ARMC10: variants seen among roughly 807,000 people sequenced by gnomAD.
ARMC10 encodes the protein armadillo repeat-containing protein 10.
Under a neutral mutation model 30.2 loss-of-function variants are expected in ARMC10, and 23 were observed. The ratio of observed to expected loss-of-function variants is 0.76; its 90% CI spans 0.55 to 1.08. The LOEUF (loss-of-function observed/expected upper bound fraction) is 1.08, where lower values mean the gene tolerates loss of function less well. ARMC10 is among the 50% of genes least tolerant of loss of function. ARMC10 has a pLI of 0.00. For missense variants in ARMC10, 303 were observed against 413.7 expected (o/e 0.73, Z 2.32); for synonymous variants, 111 against 164.4 (o/e 0.68, Z 2.48).
intron 5 of ARMC10, chr7:103,096,027 A>G (rs1187335316): frequency 6.6e-6 from 1 of 152,182 alleles, no homozygotes. Context: ...TGGCACAAGT[A>G]TACATATGTA....
rs1799587854 is a variant in ARMC10, at chr7:103,075,247, C to T, written c.-26C>T. The T allele has an allele frequency of 1.7e-6, 2 of 1,171,678 alleles. No individual in the cohort carries two copies. The highest frequency in any genetic ancestry group is 2.1e-6 in the Non-Finnish European group (2 of 949,470). The allele number at this position is 1,171,678 out of a possible 1,614,324, so 72.6% of individuals were successfully genotyped here. On this transcript the variant is annotated 5_prime_UTR_variant, in exon 1 of 7. Transcript: ENST00000323716. Reference sequence around the variant, plus strand: ...CCGCGAGCCTCCTGCCCTGGCCCGGCGCTGCGGCTCTGCCGCGGCGGCAGC... The same window carrying T: ...CCGCGAGCCTCCTGCCCTGGCCCGGTGCTGCGGCTCTGCCGCGGCGGCAGC...
chr7:103,081,062 T>C (rs1800337457), intron 2 of ARMC10, among the ~76,000 whole-genome samples: 1 of 152,242 alleles, frequency 6.6e-6, no homozygotes. Flanking sequence ...AATAATATAC[T>C]AGTCACTTTA....
In ARMC10 at chr7:103,086,707, A is replaced by G. The variant is rs1165100367; in HGVS notation, c.471A>G (p.Lys157=). 1.3e-6 allele frequency: 2 copies of G among 1,596,796 alleles called. No homozygotes were observed. The highest frequency in any genetic ancestry group is 1.7e-6 in the Non-Finnish European group (2 of 1,175,660). ...ATTCCAACCAGAGTATTAAAGAGAA[A>G]GCTTTAAATGCACTAAATAACCTGA... ...INHSNQSIKE[K]ALNALNNLSV... The change falls in exon 4 of 7, where the codon AAA becomes AAG. Residue 157 remains lysine (K), a synonymous_variant. Coordinates refer to ENST00000323716, the MANE Select transcript of ARMC10 (RefSeq NM_031905.5).
intron 1 of ARMC10, 92 bp downstream of exon 1, chr7:103,075,503 TGAG>T (rs1310384218): frequency 1.7e-6 from 2 of 1,200,206 alleles, no homozygotes; most frequent in Non-Finnish European, 2.1e-6. Flanking sequence ...CGGGGTAAAA[TGAG>T]GAGCCGAGCT....
At chr7:103,090,028 A>T (rs1801175791) in intron 4 of ARMC10, among the ~76,000 whole-genome samples, 1 of 152,184 alleles carries the variant, frequency 6.6e-6, no homozygotes, top group African/African-American at 2.4e-5. Context: ...TTCATCCAAA[A>T]GTTTCTGTAA....
chr7:103,086,587 C>T, intron 3 of ARMC10, 43 bp from the exon 4 acceptor site: 4 of 1,561,226 alleles, frequency 2.6e-6, no homozygotes, highest in Non-Finnish European at 3.4e-6. Flanking sequence ...GAGATGCATA[C>T]TGAAGTCCCA....
rs1303771594 is a variant in ARMC10, at chr7:103,083,579, TTG to T, written c.245-100_245-99del. On this transcript the variant is annotated intron_variant, in intron 2 of 6. Coordinates refer to ENST00000323716, the MANE Select transcript of ARMC10 (RefSeq NM_031905.5). ...AGATCAAGGTTGTAGTGAGCCATGATTGTGCCACCGCACACCAGCCTGGGTGA... is the reference window on the plus strand; with the variant it reads ...AGATCAAGGTTGTAGTGAGCCATGATTGCCACCGCACACCAGCCTGGGTGA... The T allele has an allele frequency of 3.0e-6, 3 of 1,002,200 alleles. No homozygotes were observed. In the African/African-American group the frequency reaches 4.9e-5, roughly 16 times the overall value. 62.1% of individuals were successfully genotyped at this position (1,002,200 alleles called of 1,614,324 possible).
At chr7:103,080,475 G>A (rs771052978) in intron 2 of ARMC10, among the ~76,000 whole-genome samples, 5 of 151,976 alleles carry the variant, frequency 3.3e-5, no homozygotes, top group Admixed American at 6.6e-5. Flanking sequence ...GGCTGGTCTC[G>A]AACTCCTGAC....
intron 3 of ARMC10, 55 bp downstream of exon 3, chr7:103,083,885 A>G: frequency 3.2e-6 from 5 of 1,586,206 alleles, no homozygotes; most frequent in Non-Finnish European, 4.3e-6. Context: ...ACTAGCGGTA[A>G]TTGTGACCCT....
intron 1 of ARMC10, 58 bp from the exon 2 acceptor site, chr7:103,075,719 C>A: frequency 7.6e-7 from 1 of 1,315,840 alleles, no homozygotes; most frequent in Non-Finnish European, 1.0e-6. Context: ...AAGGGATTCT[C>A]CCGATTGTGG....
At chr7:103,082,507 T>TA (rs11451142) in intron 2 of ARMC10, among the ~76,000 whole-genome samples, 132,734 of 151,812 alleles carry the variant, frequency 0.87, 60,656 homozygotes, top group East Asian at 1. Context: ...ATTTACTTAT[T>TA]TTTTTTTTAA....
intron 6 of ARMC10, 64 bp from the exon 7 acceptor site, chr7:103,098,235 A>G (rs1224269731): frequency 1.6e-6 from 2 of 1,216,362 alleles, no homozygotes; most frequent in East Asian, 6.0e-5. Flanking sequence ...AAATGTTAAA[A>G]TATACATGAA....
Position 103,083,680 on chromosome 7 carries a change from A to T in ARMC10, c.245-2A>T, listed in dbSNP as rs372227710. 1.2e-6 allele frequency: 2 copies of T among 1,603,962 alleles called. No homozygotes were observed. Among genetic ancestry groups the T allele is most frequent in the African/African-American group, 2.7e-5 (2 of 74,168 alleles). On this transcript the variant is annotated splice_acceptor_variant, in intron 2 of 6. Coordinates refer to ENST00000323716, the MANE Select transcript of ARMC10 (RefSeq NM_031905.5). LOFTEE classifies it high-confidence loss of function. ...ACTTCAAATAACTTTCTTCTTATGC[A>T]GAAGACTTAACTGATGGTTCATATG...
chr7:103,084,369 C>A (rs527938238), intron 3 of ARMC10, among the ~76,000 whole-genome samples: 1 of 152,184 alleles, frequency 6.6e-6, no homozygotes, highest in Admixed American at 6.5e-5. Context: ...AACAAAATTT[C>A]GTAATTGTTT....
chr7:103,094,417 T>C (rs1271979753), intron 5 of ARMC10, among the ~76,000 whole-genome samples: 2 of 152,266 alleles, frequency 1.3e-5, no homozygotes, highest in Non-Finnish European at 2.9e-5. Context: ...ACTGTATATA[T>C]ATTTTTTTCT....
intron 3 of ARMC10, among the ~76,000 whole-genome samples, chr7:103,085,230 A>C (rs1030393376): frequency 6.6e-6 from 1 of 152,044 alleles, no homozygotes; most frequent in Non-Finnish European, 1.5e-5. Flanking sequence ...ACCATCAATT[A>C]TAGTACCTTA....
At chr7:103,083,197 C>T (rs1563319994) in intron 2 of ARMC10, 1 of 455,070 alleles carries the variant, frequency 2.2e-6, no homozygotes, top group Non-Finnish European at 4.4e-6. Context: ...TGACTAATTT[C>T]TTGGTATCTA....
chr7:103,098,201 TG>T, intron 6 of ARMC10, 97 bp from the exon 7 acceptor site: 1 of 1,147,944 alleles, frequency 8.7e-7, no homozygotes, highest in Non-Finnish European at 1.1e-6. Context: ...AATTTTAAAA[TG>T]TGAGTTATTC....
intron 5 of ARMC10, 58 bp from the exon 6 acceptor site, chr7:103,097,219 C>G: frequency 1.4e-6 from 2 of 1,409,354 alleles, no homozygotes; most frequent in South Asian, 1.1e-5. Flanking sequence ...AACAGCATGC[C>G]TGAGAGAGAA....
Sources: gnomAD v4.1 joint callset for allele counts (sites outside exome capture counted in the v4.1 genomes callset) on GRCh38, gnomAD v4.1.1 for gene constraint, MANE v1.5 for transcripts, NCBI Gene and HGNC (gene_info 2026-07-23, HGNC 2026-07-21) for gene names.